RBMS3: variants seen among roughly 807,000 people sequenced by gnomAD.
RBMS3 encodes the protein RNA binding motif single stranded interacting protein 3.
RBMS3 carries 27 observed loss-of-function variants against 66.8 expected under a neutral mutation model. The observed-to-expected ratio is 0.40, with a 90% CI of 0.30 to 0.56. RBMS3 has a LOEUF of 0.56. Among genes scored for constraint, RBMS3 ranks in the 20% least tolerant of loss-of-function variants. The pLI, the probability that RBMS3 is intolerant of heterozygous loss-of-function variation, is 0.40. For missense variants in RBMS3, 513 were observed against 549.5 expected, an observed-to-expected ratio of 0.93 and a Z score of 0.66; for synonymous variants, 188 against 183.0, an observed-to-expected ratio of 1.03 and a Z score of -0.22.
intron 5 of RBMS3, among the ~76,000 whole-genome samples, chr3:29,744,107 G>T (rs2054766129): frequency 6.6e-6 from 1 of 151,902 alleles, no homozygotes; most frequent in Non-Finnish European, 1.5e-5. Flanking sequence ...AGTTGTCTGT[G>T]ATTTTTCCAG....
intron 3 of RBMS3, among the ~76,000 whole-genome samples, chr3:29,514,626 G>T (rs933742234): frequency 7.8e-6 from 1 of 127,464 alleles, no homozygotes; most frequent in Non-Finnish European, 1.6e-5. Flanking sequence ...AGAGATAGGT[G>T]CATATATATA....
At chr3:29,485,852 A>T (rs944240702) in intron 2 of RBMS3, among the ~76,000 whole-genome samples, 6 of 152,160 alleles carry the variant, frequency 3.9e-5, no homozygotes, top group Non-Finnish European at 8.8e-5. Flanking sequence ...TCTGCTTCCA[A>T]TGGTGGGTGG....
At chr3:29,450,926 CA>C (rs2041994150) in intron 2 of RBMS3, among the ~76,000 whole-genome samples, 3 of 118,844 alleles carry the variant, frequency 2.5e-5, no homozygotes, top group African/African-American at 7.4e-5. Flanking sequence ...CACACACACA[CA>C]CACACCCCCC....
Position 29,302,523 on chromosome 3 carries a change from A to G in RBMS3, c.75+20767A>G, listed in dbSNP as rs181203730. On this transcript the variant is annotated intron_variant, in intron 1 of 14. Transcript: ENST00000383767. ...GATTGTCCCCACAATCTTGGAAAAAAAATATATATGTATAGTTTGTCTTCT... is the reference window on the plus strand; with the variant it reads ...GATTGTCCCCACAATCTTGGAAAAAGAATATATATGTATAGTTTGTCTTCT... Among the ~76,000 whole-genome samples the G allele has an allele frequency of 1.4e-3, 213 of 152,172 alleles. 1 individual carries two copies. The highest frequency in any genetic ancestry group is 5.0e-3 in the African/African-American group (206 of 41,550).
At chr3:29,728,197 G>A (rs1419438519) in intron 4 of RBMS3, among the ~76,000 whole-genome samples, 1 of 151,902 alleles carries the variant, frequency 6.6e-6, no homozygotes, top group Admixed American at 6.6e-5. Flanking sequence ...CACACACTGG[G>A]GGCCTGTTGG....
intron 6 of RBMS3, among the ~76,000 whole-genome samples, chr3:29,783,713 G>A (rs2056721599): frequency 6.6e-6 from 1 of 152,138 alleles, no homozygotes; most frequent in South Asian, 2.1e-4. Context: ...AACATTGAAT[G>A]TAAGTGGCCT....
intron 3 of RBMS3, among the ~76,000 whole-genome samples, chr3:29,543,885 A>G (rs1318400552): frequency 6.6e-6 from 1 of 152,152 alleles, no homozygotes; most frequent in Non-Finnish European, 1.5e-5. Context: ...ATTCTTTAAA[A>G]TAGAAAATAT....
At chr3:29,999,298 C>T (rs1699457432) in intron 14 of RBMS3, among the ~76,000 whole-genome samples, 2 of 152,186 alleles carry the variant, frequency 1.3e-5, no homozygotes, top group Non-Finnish European at 2.9e-5. Flanking sequence ...AATAGGAACA[C>T]TTTGACACTG....
chr3:29,412,218 G>T (rs1379489336), intron 1 of RBMS3, among the ~76,000 whole-genome samples: 7 of 152,134 alleles, frequency 4.6e-5, no homozygotes, highest in African/African-American at 7.2e-5. Flanking sequence ...GTATGACTAT[G>T]CTTGAAATGG....
At chr3:29,543,044 TGAGA>T (rs2045823822) in intron 3 of RBMS3, among the ~76,000 whole-genome samples, 1 of 152,164 alleles carries the variant, frequency 6.6e-6, no homozygotes, top group African/African-American at 2.4e-5. Flanking sequence ...CCTCTTTGAA[TGAGA>T]GAGACTTTCT....
At chr3:29,417,280 A>T (rs1222633017) in intron 1 of RBMS3, among the ~76,000 whole-genome samples, 1 of 151,622 alleles carries the variant, frequency 6.6e-6, no homozygotes, top group Non-Finnish European at 1.5e-5. Flanking sequence ...TCTTTTTTTA[A>T]TGGGTCTCCA....
At chr3:29,977,852 A>C (rs899771207) in intron 12 of RBMS3, among the ~76,000 whole-genome samples, 4 of 151,958 alleles carry the variant, frequency 2.6e-5, no homozygotes, top group Non-Finnish European at 5.9e-5. Flanking sequence ...AAAATAAAAA[A>C]CTTGTGTTCA....
intron 1 of RBMS3, among the ~76,000 whole-genome samples, chr3:29,398,279 G>A (rs537240831): frequency 7.9e-5 from 12 of 152,172 alleles, no homozygotes; most frequent in African/African-American, 2.2e-4. Context: ...TTCACTTTTA[G>A]GGTAGTTTAC....
chr3:29,975,054 A>C (rs1697483621), intron 12 of RBMS3, among the ~76,000 whole-genome samples: 1 of 111,174 alleles, frequency 9.0e-6, no homozygotes, highest in African/African-American at 3.6e-5. Flanking sequence ...TTTATATATA[A>C]AATATGTTTC....
chr3:29,362,560 T>C (rs181445275), intron 1 of RBMS3, among the ~76,000 whole-genome samples: 1 of 152,174 alleles, frequency 6.6e-6, no homozygotes, highest in Admixed American at 6.5e-5. Context: ...GGAGAACTAC[T>C]ACTCTCTTCA....
At chr3:29,753,730 G>A (rs1472457742) in intron 5 of RBMS3, among the ~76,000 whole-genome samples, 1 of 152,108 alleles carries the variant, frequency 6.6e-6, no homozygotes, top group Non-Finnish European at 1.5e-5. Context: ...ATGGAAGTAC[G>A]ATTGCCCATA....
chr3:29,330,979 A>G (rs755104773), intron 1 of RBMS3, among the ~76,000 whole-genome samples: 6 of 152,108 alleles, frequency 3.9e-5, no homozygotes, highest in Non-Finnish European at 7.4e-5. Flanking sequence ...CTCTAATTGT[A>G]TTTTTATATT....
intron 6 of RBMS3, among the ~76,000 whole-genome samples, chr3:29,817,965 C>T (rs1481448692): frequency 6.6e-6 from 1 of 152,068 alleles, no homozygotes; most frequent in Non-Finnish European, 1.5e-5. Context: ...CTGCTATATG[C>T]TATACTCTAT....
At chr3:29,860,082 A>G (rs2059176225) in intron 6 of RBMS3, among the ~76,000 whole-genome samples, 1 of 152,224 alleles carries the variant, frequency 6.6e-6, no homozygotes, top group Admixed American at 6.5e-5. Flanking sequence ...GATTAAAGGC[A>G]TGGGTTCCAG....
Sources: gnomAD v4.1 joint callset for allele counts (sites outside exome capture counted in the v4.1 genomes callset) on GRCh38, gnomAD v4.1.1 for gene constraint, MANE v1.5 for transcripts, NCBI Gene and HGNC (gene_info 2026-07-23, HGNC 2026-07-21) for gene names.